The following SSBP3 variants were observed in gnomAD, a reference collection of about 807,000 sequenced individuals.
SSBP3 encodes single-stranded DNA-binding protein 3.
In SSBP3, 5 loss-of-function variants were observed where a neutral mutation model predicts 69.6. The ratio of observed to expected loss-of-function variants is 0.07; its 90% CI spans 0.04 to 0.15. SSBP3 has a LOEUF of 0.15. SSBP3 is among the 10% of genes least tolerant of loss of function. The pLI, the probability that SSBP3 is intolerant of heterozygous loss-of-function variation, is 1.00. For missense variants in SSBP3, 312 were observed against 534.0 expected (o/e 0.58, Z 4.10); for synonymous variants, 196 against 193.4 (o/e 1.01, Z -0.11).
At chr1:54,296,693 G>A (rs1645709621) in intron 4 of SSBP3, among the ~76,000 whole-genome samples, 1 of 152,196 alleles carries the variant, frequency 6.6e-6, no homozygotes. Flanking sequence ...AGTTTCTGCT[G>A]CATCCCCTGG....
intron 4 of SSBP3, among the ~76,000 whole-genome samples, chr1:54,360,722 C>T (rs562647301): frequency 1.3e-5 from 2 of 152,220 alleles, no homozygotes; most frequent in East Asian, 3.9e-4. Context: ...TGAACCTCCT[C>T]GAGTCTCAAT....
In SSBP3 at chr1:54,243,315, AG is replaced by A; in HGVS notation, c.652-17del. 6.2e-7 allele frequency: 1 copy of A among 1,614,128 alleles called. No homozygotes were observed. Among genetic ancestry groups the A allele is most frequent in the Non-Finnish European group, 8.5e-7 (1 of 1,180,010 alleles). Reference sequence around the variant, plus strand: ...TGCCGTAATTCTGCAACGATAACCAAGGGTCAGTCTATGAGAAGAAGGGAAC... The same window carrying A: ...TGCCGTAATTCTGCAACGATAACCAAGGTCAGTCTATGAGAAGAAGGGAAC... On this transcript the variant is annotated splice_polypyrimidine_tract_variant and intron_variant, in intron 9 of 17. Transcript: ENST00000610401.
chr1:54,354,781 T>G (rs1183448421), intron 4 of SSBP3, among the ~76,000 whole-genome samples: 2 of 152,150 alleles, frequency 1.3e-5, no homozygotes, highest in Admixed American at 6.5e-5. Flanking sequence ...GAGATCCCTG[T>G]GAACCTGGGC....
At chr1:54,268,302 C>T (rs1460223085) in intron 5 of SSBP3, among the ~76,000 whole-genome samples, 1 of 152,254 alleles carries the variant, frequency 6.6e-6, no homozygotes, top group East Asian at 1.9e-4. Flanking sequence ...TTCTGCCCGC[C>T]GGCCTCCGCC....
At chr1:54,344,437 G>C (rs1273730657) in intron 4 of SSBP3, among the ~76,000 whole-genome samples, 1 of 152,158 alleles carries the variant, frequency 6.6e-6, no homozygotes, top group African/African-American at 2.4e-5. Flanking sequence ...AATGATTCAA[G>C]CCACTCCCAG....
intron 14 of SSBP3, 143 bp downstream of exon 14, chr1:54,238,986 T>A (rs1050031433): frequency 6.8e-6 from 5 of 732,006 alleles, no homozygotes; most frequent in Admixed American, 4.8e-5. Context: ...GCCCAAGAGT[T>A]AATCACTTTT....
chr1:54,327,035 G>A (rs1184877085), intron 4 of SSBP3, among the ~76,000 whole-genome samples: 1 of 152,060 alleles, frequency 6.6e-6, no homozygotes, highest in Non-Finnish European at 1.5e-5. Context: ...CCAGGGCAGA[G>A]CCGGGCCTCC....
At chr1:54,246,832 A>G (rs1644742392) in intron 9 of SSBP3, among the ~76,000 whole-genome samples, 1 of 152,254 alleles carries the variant, frequency 6.6e-6, no homozygotes, top group Non-Finnish European at 1.5e-5. Flanking sequence ...GTTTGCAGCG[A>G]AGTTTTCTCA....
At chr1:54,292,471 G>A (rs188473257) in intron 4 of SSBP3, among the ~76,000 whole-genome samples, 4 of 152,198 alleles carry the variant, frequency 2.6e-5, no homozygotes, top group South Asian at 2.1e-4. Flanking sequence ...TGTCCTCTAC[G>A]GCCCCAGCTG....
exon 18 of SSBP3, chr1:54,226,347 T>C (rs1644284658): frequency 6.5e-6 from 1 of 153,224 alleles, no homozygotes. Flanking sequence ...GGCCACAGGA[T>C]GAGGGTGCTG....
At chr1:54,235,618 A>C (rs1298731991) in intron 14 of SSBP3, among the ~76,000 whole-genome samples, 2 of 151,476 alleles carry the variant, frequency 1.3e-5, no homozygotes, top group East Asian at 3.9e-4. Flanking sequence ...ACGCCTGGCT[A>C]ATTTTCGTAT....
rs561620046 is a variant in SSBP3 at position 54,318,340 on chromosome 1, T to C, written c.277-36813A>G. Among the ~76,000 whole-genome samples the C allele has an allele frequency of 2.3e-3, 354 of 152,294 alleles. 1 individual carries two copies. Among genetic ancestry groups the C allele is most frequent in the Non-Finnish European group, 4.0e-3 (274 of 68,020 alleles). On this transcript the variant is annotated intron_variant, in intron 4 of 17. Coordinates refer to ENST00000610401, the Ensembl canonical transcript of SSBP3. ...CAATATAGAGATACAGCTATACCAT[T>C]CCGTTCCCTAACAGCAGCAGTGGCC...
chr1:54,256,086 A>T (rs918535470), intron 7 of SSBP3, among the ~76,000 whole-genome samples: 1 of 152,010 alleles, frequency 6.6e-6, no homozygotes, highest in African/African-American at 2.4e-5. Flanking sequence ...AAAAAAAAAA[A>T]AAGACAATTG....
chr1:54,355,709 C>G (rs17110462), intron 4 of SSBP3, among the ~76,000 whole-genome samples: 21,837 of 152,192 alleles, frequency 0.14, 1,704 homozygotes, highest in East Asian at 0.28. Context: ...TCTTGGAAAA[C>G]TAAAGGAGTT....
intron 4 of SSBP3, among the ~76,000 whole-genome samples, chr1:54,383,133 G>C (rs1349776222): frequency 6.6e-6 from 1 of 152,138 alleles, no homozygotes; most frequent in East Asian, 1.9e-4. Context: ...CAGCACTTTG[G>C]GAGGCCGAGG....
intron 4 of SSBP3, among the ~76,000 whole-genome samples, chr1:54,328,559 T>A (rs902519596): frequency 5.3e-5 from 8 of 152,198 alleles, no homozygotes; most frequent in Admixed American, 5.2e-4. Context: ...GGCTCCATGC[T>A]GCCTTGTCCA....
At chr1:54,253,341 G>A (rs183499990) in intron 7 of SSBP3, among the ~76,000 whole-genome samples, 48 of 151,798 alleles carry the variant, frequency 3.2e-4, no homozygotes, top group African/African-American at 1.1e-3. Context: ...ACAGGCACGC[G>A]CTGTCACACC....
At chr1:54,237,969 T>C (rs1051806669) in intron 14 of SSBP3, 5 of 366,864 alleles carry the variant, frequency 1.4e-5, no homozygotes, top group Non-Finnish European at 2.8e-5. Flanking sequence ...ATGCTACAAA[T>C]GGTGCTGTCA....
intron 4 of SSBP3, among the ~76,000 whole-genome samples, chr1:54,294,260 C>T (rs1645665217): frequency 1.3e-5 from 2 of 151,820 alleles, no homozygotes; most frequent in Admixed American, 6.6e-5. Flanking sequence ...CTAAGACTAG[C>T]TATCTCCATC....
Sources: allele counts gnomAD v4.1 joint callset (sites outside exome capture counted in the v4.1 genomes callset), GRCh38; gene constraint gnomAD v4.1.1; transcripts MANE v1.5; gene names NCBI Gene and HGNC (gene_info 2026-07-23, HGNC 2026-07-21).